The following CELF2 variants were observed in gnomAD, a reference collection of about 807,000 sequenced individuals.
CELF2 encodes CUGBP Elav-like family member 2.
A neutral mutation model predicts 62.6 loss-of-function variants in CELF2; 8 were observed. The observed-to-expected ratio is 0.13, with a 90% CI of 0.07 to 0.23. The LOEUF (loss-of-function observed/expected upper bound fraction) is 0.23. Ranked by LOEUF, CELF2 falls within the 10% of genes least tolerant of loss-of-function variation. CELF2 has a pLI of 1.00. For missense variants in CELF2, 333 were observed against 671.0 expected (o/e 0.50, Z 5.56); for synonymous variants, 258 against 250.0 (o/e 1.03, Z -0.30).
intron 1 of CELF2, among the ~76,000 whole-genome samples, chr10:11,119,655 AG>A (rs1257764895): frequency 3.9e-5 from 6 of 152,184 alleles, no homozygotes; most frequent in Non-Finnish European, 8.8e-5. Context: ...CAAAAACCCT[AG>A]GAAAAAAATG....
chr10:11,037,051 A>C (rs189685148), intron 1 of CELF2, among the ~76,000 whole-genome samples: 1 of 145,186 alleles, frequency 6.9e-6, no homozygotes, highest in Non-Finnish European at 1.5e-5. Context: ...CACCCACTGT[A>C]TTAGTCCGTT....
chr10:11,179,136 G>A lies in CELF2; in HGVS notation c.271+13454G>A, dbSNP rs149311263. ...CTTCGGAGTAATTTTTAATGCTTTC[G>A]CTTCTTTTACCTAAGCCATGTGTGT... On this transcript the variant is annotated intron_variant, in intron 2 of 12. Transcript: ENST00000633077. Among the ~76,000 whole-genome samples, 694 of 152,172 alleles carry A rather than the reference G, an allele frequency of 4.6e-3. 8 individuals are homozygous for A. Among genetic ancestry groups the A allele is most frequent in the African/African-American group, 0.016 (664 of 41,510 alleles).
chr10:11,206,838 C>T (rs1435934961), intron 2 of CELF2, among the ~76,000 whole-genome samples: 3 of 152,216 alleles, frequency 2.0e-5, no homozygotes, highest in Non-Finnish European at 4.4e-5. Flanking sequence ...TTTTCTCTAA[C>T]AAAGAAGACT....
chr10:10,548,152 G>A, the CELF2 span, among the ~76,000 whole-genome samples: 2 of 152,290 alleles, frequency 1.3e-5, no homozygotes, highest in East Asian at 1.9e-4. Flanking sequence ...TGGACACATC[G>A]TTTAATCTTT....
rs1030217483 is a variant in CELF2, at chr10:11,220,149, G to C, written c.354+2642G>C. Among the ~76,000 whole-genome samples the C allele has an allele frequency of 1.4e-4, 21 of 152,172 alleles. No individual in the cohort carries two copies. The highest frequency in any genetic ancestry group is 2.8e-4 in the Non-Finnish European group (19 of 68,038). On this transcript the variant is annotated intron_variant, in intron 3 of 12. Coordinates refer to ENST00000633077, the MANE Select transcript of CELF2 (RefSeq NM_001326342.2). The surrounding 1 kb of genome is among the most constrained non-coding windows in gnomAD (Gnocchi z 4.4). ...TTCTGGTTGTAATCATTTTCCTGTG[G>C]ATAAAATCCATTAAAAAGTCACTTG...
chr10:10,580,826 T>G, the CELF2 span, among the ~76,000 whole-genome samples: 41 of 152,304 alleles, frequency 2.7e-4, no homozygotes, highest in African/African-American at 9.4e-4. Flanking sequence ...CAATAAATAT[T>G]TACTGTATGG....
At chr10:10,899,529 A>T (rs2062787979) in intron 1 of CELF2, among the ~76,000 whole-genome samples, 1 of 152,220 alleles carries the variant, frequency 6.6e-6, no homozygotes, top group South Asian at 2.1e-4. Context: ...TGAGGGCCAC[A>T]AATTGTCTAT....
intron 2 of CELF2, among the ~76,000 whole-genome samples, chr10:10,987,949 C>T (rs936484466): frequency 1.4e-5 from 2 of 140,032 alleles, no homozygotes; most frequent in Non-Finnish European, 1.5e-5. Context: ...GTAATTAAAA[C>T]GTCAAAAAAC....
chr10:11,205,371 A>G (rs905905033), intron 2 of CELF2, among the ~76,000 whole-genome samples: 5 of 152,224 alleles, frequency 3.3e-5, no homozygotes, highest in African/African-American at 4.8e-5. Flanking sequence ...GAGCCTGCAT[A>G]GTGTCTGTTA....
In CELF2 at chr10:11,321,278, C is replaced by T; in HGVS notation, c.1186C>T (p.Leu396Phe). 6.2e-7 allele frequency: 1 copy of T among 1,614,026 alleles called. No individual in the cohort carries two copies. ...TGGCACGGCTGGCACCATGGACGCC[C>T]TCACCCAGGCCTACTCAGGAATTCA... ...TNGTAGTMDA[L>F]TQAYSGIQQY... is the part of the protein sequence containing the mutation. The change falls in exon 11 of 13, where the codon CTC becomes TTC. Residue 396 changes from leucine (L) to phenylalanine (F), a missense_variant. Around this residue, in one of 3 missense-constraint regions of CELF2, gnomAD observed 253 missense variants for 503.0 expected, o/e 0.50. Transcript: ENST00000633077. The surrounding 1 kb of genome is among the most constrained non-coding windows in gnomAD (Gnocchi z 6.2).
chr10:11,154,502 C>G (rs908458331), intron 1 of CELF2, among the ~76,000 whole-genome samples: 1 of 152,214 alleles, frequency 6.6e-6, no homozygotes, highest in Non-Finnish European at 1.5e-5. Flanking sequence ...ATGAGGTGGC[C>G]TGCAGAGAAC....
At chr10:10,949,666 T>C (rs1339276843) in intron 2 of CELF2, among the ~76,000 whole-genome samples, 1 of 151,320 alleles carries the variant, frequency 6.6e-6, no homozygotes, top group Non-Finnish European at 1.5e-5. Context: ...CCAGGCTTGG[T>C]GGCAGGCACC....
chr10:10,597,647 A>G, the CELF2 span, among the ~76,000 whole-genome samples: 1 of 152,228 alleles, frequency 6.6e-6, no homozygotes. Context: ...AAAAATCCTT[A>G]TAGTTGATTC....
At chr10:11,291,052 T>A (rs752567975) in intron 9 of CELF2, among the ~76,000 whole-genome samples, 1 of 152,188 alleles carries the variant, frequency 6.6e-6, no homozygotes, top group Non-Finnish European at 1.5e-5. Flanking sequence ...TTGAAAGCCA[T>A]TCCCAAGGCC....
At chr10:11,232,898 G>A (rs1291742604) in intron 3 of CELF2, among the ~76,000 whole-genome samples, 2 of 152,146 alleles carry the variant, frequency 1.3e-5, no homozygotes, top group Non-Finnish European at 2.9e-5. Context: ...CCGGAGTCTT[G>A]TTTAGTCATG....
At chr10:10,613,792 CA>C in the CELF2 span, among the ~76,000 whole-genome samples, 2 of 152,112 alleles carry the variant, frequency 1.3e-5, no homozygotes, top group Non-Finnish European at 2.9e-5. Flanking sequence ...TAATGTAACA[CA>C]GGGGTATGAT....
At chr10:10,909,306 A>G (rs963975389) in intron 1 of CELF2, among the ~76,000 whole-genome samples, 1 of 152,158 alleles carries the variant, frequency 6.6e-6, no homozygotes, top group Admixed American at 6.5e-5. Context: ...GTCCTTAGAA[A>G]TGGTTTGTGT....
chr10:10,900,561 A>G (rs960108226), intron 1 of CELF2, among the ~76,000 whole-genome samples: 1 of 152,170 alleles, frequency 6.6e-6, no homozygotes, highest in South Asian at 2.1e-4. Context: ...AAAGTTCTCA[A>G]CCTGAAACTT....
chr10:11,185,434 G>A (rs1045113279), intron 2 of CELF2, among the ~76,000 whole-genome samples: 1 of 152,122 alleles, frequency 6.6e-6, no homozygotes, highest in Admixed American at 6.5e-5. Context: ...CTGCCCCCAA[G>A]ATGGAGTTTC....
Sources: allele counts gnomAD v4.1 joint callset (sites outside exome capture counted in the v4.1 genomes callset), GRCh38; gene constraint gnomAD v4.1.1; regional missense constraint gnomAD v4.1.1; non-coding constraint Gnocchi (gnomAD v3.1); transcripts MANE v1.5; gene names NCBI Gene and HGNC (gene_info 2026-07-23, HGNC 2026-07-21).